PIK3R3: variants seen among roughly 807,000 people sequenced by gnomAD.
PIK3R3 encodes the protein phosphatidylinositol 3-kinase regulatory subunit gamma.
Under a neutral mutation model 62.9 loss-of-function variants are expected in PIK3R3, and 64 were observed. That is an observed-to-expected ratio of 1.02 (90% CI 0.83 to 1.25). The LOEUF (loss-of-function observed/expected upper bound fraction) is 1.25, where lower values mean the gene tolerates loss of function less well. PIK3R3 is among the 50% of genes most tolerant of loss of function. The pLI is 0.00. For missense variants in PIK3R3, 614 were observed against 561.6 expected (o/e 1.09, Z -0.94); for synonymous variants, 165 against 189.0 (o/e 0.87, Z 1.04).
the PIK3R3 span, among the ~76,000 whole-genome samples, chr1:46,169,468 G>A: frequency 6.6e-6 from 1 of 152,136 alleles, no homozygotes; most frequent in Non-Finnish European, 1.5e-5. Context: ...GCTGGGAATG[G>A]AGATACCTGA....
In PIK3R3 at chr1:46,132,092, C is replaced by T; in HGVS notation, c.-140G>A. The T allele has an allele frequency of 1.4e-6, 2 of 1,429,428 alleles. No individual in the cohort carries two copies. The highest frequency in any genetic ancestry group is 1.5e-5 in the South Asian group (1 of 68,040). The allele number at this position is 1,429,428 out of a possible 1,614,324, so 88.5% of individuals were successfully genotyped here. A position where few individuals can be genotyped will look rare whatever the true frequency, so the allele number is the denominator to read the frequency against. ...GGTTTTCCAACGGCCAGTACCAGTCCGGCCAAACTACCCGAACAGGGTCCT... is the reference window on the plus strand; with the variant it reads ...GGTTTTCCAACGGCCAGTACCAGTCTGGCCAAACTACCCGAACAGGGTCCT... On this transcript the variant is annotated 5_prime_UTR_variant, in exon 1 of 10. Coordinates refer to ENST00000262741, the MANE Select transcript of PIK3R3 (RefSeq NM_003629.4).
At chr1:46,089,746 T>C (rs1432684448) in intron 1 of PIK3R3, among the ~76,000 whole-genome samples, 7 of 151,032 alleles carry the variant, frequency 4.6e-5, no homozygotes, top group Non-Finnish European at 1.0e-4. Context: ...GATGCAATTA[T>C]AGTATACTAA....
intron 1 of PIK3R3, among the ~76,000 whole-genome samples, chr1:46,126,506 C>A (rs1655104101): frequency 6.6e-6 from 1 of 151,436 alleles, no homozygotes; most frequent in Non-Finnish European, 1.5e-5. Context: ...CCACTGCACT[C>A]CACTCTGGGC....
chr1:46,096,913 G>A (rs1652189193), intron 1 of PIK3R3, among the ~76,000 whole-genome samples: 2 of 149,254 alleles, frequency 1.3e-5, no homozygotes, highest in Non-Finnish European at 3.0e-5. Flanking sequence ...GATCAGATAA[G>A]TATTCAGGGA....
the PIK3R3 span, among the ~76,000 whole-genome samples, chr1:46,156,581 A>C: frequency 6.6e-6 from 1 of 152,034 alleles, no homozygotes; most frequent in Non-Finnish European, 1.5e-5. Context: ...TACCCCATGC[A>C]CTTGTTATCA....
At chr1:46,114,760 A>C (rs1654031502) in intron 1 of PIK3R3, among the ~76,000 whole-genome samples, 1 of 126,808 alleles carries the variant, frequency 7.9e-6, no homozygotes, top group Non-Finnish European at 1.7e-5. Context: ...ATACACCACC[A>C]AGCCTCACTA....
intron 1 of PIK3R3, among the ~76,000 whole-genome samples, chr1:46,089,163 G>A (rs1400661478): frequency 6.6e-6 from 1 of 152,174 alleles, no homozygotes; most frequent in African/African-American, 2.4e-5. Flanking sequence ...ACCAGGCGGT[G>A]TAAAATGCAG....
At chr1:46,165,963 C>G in the PIK3R3 span, among the ~76,000 whole-genome samples, 13 of 150,640 alleles carry the variant, frequency 8.6e-5, no homozygotes, top group African/African-American at 3.2e-4. Flanking sequence ...TTAGTAGAGA[C>G]GGGGTTTCAC....
Position 46,106,444 on chromosome 1 carries a change from A to G in PIK3R3, c.106+25403T>C, listed in dbSNP as rs79848357. On this transcript the variant is annotated intron_variant, in intron 1 of 9. Transcript: ENST00000262741. ...CCTTTCTGATATATTCTTGATGATT[A>G]TCTCCCTGCCCCCTCAAAAATCTCA... Among the ~76,000 whole-genome samples, 1,417 of 152,306 alleles carry G rather than the reference A, an allele frequency of 9.3e-3. 10 individuals carry two copies. The highest frequency in any genetic ancestry group is 0.015 in the Non-Finnish European group (1,017 of 68,028).
chr1:46,112,081 C>T (rs961797404), intron 1 of PIK3R3, among the ~76,000 whole-genome samples: 2 of 152,100 alleles, frequency 1.3e-5, no homozygotes, highest in African/African-American at 2.4e-5. Flanking sequence ...TTGTTTTGTT[C>T]ACTGTGATAT....
chr1:46,124,327 T>C (rs1654908788), intron 1 of PIK3R3, among the ~76,000 whole-genome samples: 1 of 152,178 alleles, frequency 6.6e-6, no homozygotes, highest in Admixed American at 6.5e-5. Context: ...GTAATCTATG[T>C]CATCTATTTC....
chr1:46,139,688 C>G, the PIK3R3 span, among the ~76,000 whole-genome samples: 3 of 152,228 alleles, frequency 2.0e-5, no homozygotes, highest in East Asian at 5.8e-4. Flanking sequence ...CCTCGTCTTT[C>G]CTCTTCAACA....
At chr1:46,110,682 T>C (rs1332216301) in intron 1 of PIK3R3, among the ~76,000 whole-genome samples, 1 of 152,068 alleles carries the variant, frequency 6.6e-6, no homozygotes, top group Non-Finnish European at 1.5e-5. Flanking sequence ...TGCCAAGTGT[T>C]TCACACATAG....
At chr1:46,047,448 A>AGAAAGAAAG (rs1553143014) in intron 7 of PIK3R3, among the ~76,000 whole-genome samples, 1 of 141,776 alleles carries the variant, frequency 7.1e-6, no homozygotes, top group African/African-American at 2.7e-5. Flanking sequence ...AAAAAAAAAA[A>AGAAAGAAAG]AAAGAAAGAA....
chr1:46,159,148 G>A, the PIK3R3 span, among the ~76,000 whole-genome samples: 1 of 151,370 alleles, frequency 6.6e-6, no homozygotes, highest in Non-Finnish European at 1.5e-5. Flanking sequence ...AATCCCCATG[G>A]CACTCTCCTT....
At chr1:46,061,820 T>C (rs187864309) in intron 6 of PIK3R3, 109 bp downstream of exon 6, 164 of 984,302 alleles carry the variant, frequency 1.7e-4, no homozygotes, top group African/African-American at 5.7e-4. Flanking sequence ...GTGGTTCCAA[T>C]AGTAGGGCTG....
At chr1:46,172,468 G>C in the PIK3R3 span, among the ~76,000 whole-genome samples, 1 of 152,240 alleles carries the variant, frequency 6.6e-6, no homozygotes, top group South Asian at 2.1e-4. Flanking sequence ...CCACTTCCCA[G>C]GTTTAAGTAA....
chr1:46,092,892 C>G (rs950291409), intron 1 of PIK3R3, among the ~76,000 whole-genome samples: 1 of 152,060 alleles, frequency 6.6e-6, no homozygotes, highest in Admixed American at 6.6e-5. Context: ...CTGGCAAGAC[C>G]CCGACTATAG....
chr1:46,065,343 C>G (rs1344354186), intron 5 of PIK3R3, among the ~76,000 whole-genome samples: 1 of 152,190 alleles, frequency 6.6e-6, no homozygotes, highest in Non-Finnish European at 1.5e-5. Flanking sequence ...TGCTCTATAT[C>G]ATAAATATGA....
Sources: allele counts gnomAD v4.1 joint callset (sites outside exome capture counted in the v4.1 genomes callset), GRCh38; gene constraint gnomAD v4.1.1; transcripts MANE v1.5; gene names NCBI Gene and HGNC (gene_info 2026-07-23, HGNC 2026-07-21).